PPM1A: variants seen among roughly 807,000 people sequenced by gnomAD.
PPM1A encodes the protein protein phosphatase, Mg2+/Mn2+ dependent 1A, also known as protein phosphatase 1A.
Under a neutral mutation model 35.0 loss-of-function variants are expected in PPM1A, and 7 were observed. The ratio of observed to expected loss-of-function variants is 0.20; its 90% CI spans 0.11 to 0.38. The LOEUF is 0.38. Ranked by LOEUF, PPM1A falls within the 10% of genes least tolerant of loss-of-function variation. PPM1A has a pLI of 1.00. For synonymous variants in PPM1A, 153 were observed against 167.3 expected (o/e 0.91, Z 0.66); for missense variants, 239 against 467.8 (o/e 0.51, Z 4.51).
rs1282662205 is a variant in PPM1A, at chr14:60,296,543, A to G, written c.*4061A>G. On this transcript the variant is annotated 3_prime_UTR_variant, in exon 6 of 6. Coordinates refer to ENST00000395076, the MANE Select transcript of PPM1A (RefSeq NM_021003.5). The surrounding 1 kb of genome is among the most constrained non-coding windows in gnomAD (Gnocchi z 4.4). The stretch of plus-strand genomic sequence containing the variant: ...CTGGTGAGATTACCATTTTTTGAGT[A>G]TCTAGTCTTCTAGTTTTTCTTTTAG... The G allele has an allele frequency of 5.8e-5, 18 of 310,720 alleles. No homozygotes were observed. In the Admixed American group the frequency reaches 7.7e-4, roughly 13 times the overall value. 19.2% of individuals were successfully genotyped at this position (310,720 alleles called of 1,614,324 possible).
chr14:60,256,655 A>T (rs2139351452), intron 1 of PPM1A: 1 of 152,318 alleles, frequency 6.6e-6, no homozygotes, highest in South Asian at 2.1e-4. Context: ...AGGGACTATT[A>T]CAATAGATTT....
upstream of PPM1A, among the ~76,000 whole-genome samples, chr14:60,248,938 C>G (rs994741920): frequency 6.6e-6 from 1 of 152,204 alleles, no homozygotes. Flanking sequence ...TATCCGGGAT[C>G]CGGACGCTCC....
In PPM1A at chr14:60,289,816, G is replaced by A. The variant is rs1402872993; in HGVS notation, c.963G>A (p.Lys321=). ...ACTTCTGATTCCCAGAAATCATAAA[G>A]AAGCAGGGGGAAGGCGTCCCCGACT... ...YLECRVEEII[K]KQGEGVPDLV... Residue 321 remains lysine, a synonymous_variant, in exon 4 of 6, where the codon AAG becomes AAA. Transcript: ENST00000395076. The surrounding 1 kb of genome is among the most constrained non-coding windows in gnomAD (Gnocchi z 4.1). 6.2e-7 allele frequency: 1 copy of A among 1,608,554 alleles called. No homozygotes were observed.
At chr14:60,285,816 C>G (rs375519822) in intron 3 of PPM1A, 75 bp downstream of exon 3, 2 of 1,566,072 alleles carry the variant, frequency 1.3e-6, no homozygotes, top group Non-Finnish European at 1.7e-6. Flanking sequence ...AACATTTTAG[C>G]TTTTAGATTT....
intron 1 of PPM1A, among the ~76,000 whole-genome samples, chr14:60,259,184 A>G (rs1022317756): frequency 2.0e-5 from 3 of 152,138 alleles, no homozygotes; most frequent in South Asian, 2.1e-4. Context: ...GAGTGACTCT[A>G]TTTTGAAAAA....
At position 60,249,223 on chromosome 14, in the gene PPM1A, AGGCGGCGGC is replaced by A. The variant is rs537901136; in HGVS notation, c.-466_-458del. Reference sequence around the variant, plus strand: ...GCGCGCCTGCGCGGGGCCGCGCTAGAGGCGGCGGCGGCGGCGGTGGCGGCGCTAGGGACG... The same window carrying A: ...GCGCGCCTGCGCGGGGCCGCGCTAGAGGCGGCGGTGGCGGCGCTAGGGACG... On this transcript the variant is annotated 5_prime_UTR_variant, in exon 1 of 6. Coordinates refer to ENST00000395076, the MANE Select transcript of PPM1A (RefSeq NM_021003.5). This position sits in a 1 kb window ranked among gnomAD's most constrained non-coding sequence, Gnocchi z 4.5. 5.4e-5 allele frequency: 53 copies of A among 986,622 alleles called. No homozygotes were observed. The East Asian group carries it at 5.3e-3, about 99-fold the overall frequency. The allele number at this position is 986,622 out of a possible 1,614,324, so 61.1% of individuals were successfully genotyped here. A position where few individuals can be genotyped will look rare whatever the true frequency, so the allele number is the denominator to read the frequency against.
At chr14:60,258,505 A>G (rs139240653) in intron 1 of PPM1A, among the ~76,000 whole-genome samples, 225 of 152,198 alleles carry the variant, frequency 1.5e-3, no homozygotes, top group African/African-American at 5.0e-3. Context: ...CAATAATGGG[A>G]GTGTGTATCT....
chr14:60,290,014 C>A, intron 4 of PPM1A, 100 bp downstream of exon 4: 1 of 769,040 alleles, frequency 1.3e-6, no homozygotes, highest in Non-Finnish European at 2.0e-6. Flanking sequence ...TGAACTGATG[C>A]AGTTATCTGT....
chr14:60,252,232 A>G (rs888534839), intron 1 of PPM1A, among the ~76,000 whole-genome samples: 1 of 152,190 alleles, frequency 6.6e-6, no homozygotes, highest in Non-Finnish European at 1.5e-5. Context: ...TCCACAAGGA[A>G]CTTGTTATCT....
At chr14:60,249,116 G>T (rs956588235), upstream of PPM1A, 1 of 607,722 alleles carries the variant, frequency 1.6e-6, no homozygotes, top group Non-Finnish European at 2.1e-6. This position sits in a 1 kb window ranked among gnomAD's most constrained non-coding sequence, Gnocchi z 4.5. Flanking sequence ...CTGTAGCTGC[G>T]CGCCGCGCCG....
rs971828029 is a variant in PPM1A, at chr14:60,282,535, C to T, written c.-20-149C>T. 5.3e-5 allele frequency: 54 copies of T among 1,024,124 alleles called. No homozygotes were observed. Among genetic ancestry groups the T allele is most frequent in the Middle Eastern group, 3.2e-4 (1 of 3,152 alleles). The allele number at this position is 1,024,124 out of a possible 1,614,324, so 63.4% of individuals were successfully genotyped here. On this transcript the variant is annotated intron_variant, in intron 1 of 5. Transcript: ENST00000395076. The surrounding 1 kb of genome is among the most constrained non-coding windows in gnomAD (Gnocchi z 5.1). Reference sequence around the variant, plus strand: ...TTTCCCCCAGTTCCTCCTTGTTAATCTCCAGATTCCAAGTCAGCAACACAA... The same window carrying T: ...TTTCCCCCAGTTCCTCCTTGTTAATTTCCAGATTCCAAGTCAGCAACACAA...
At chr14:60,264,284 A>C (rs1175717244) in intron 1 of PPM1A, among the ~76,000 whole-genome samples, 1 of 152,108 alleles carries the variant, frequency 6.6e-6, no homozygotes, top group African/African-American at 2.4e-5. Flanking sequence ...TGGATCTCTG[A>C]GAAGTTCGAT....
intron 1 of PPM1A, among the ~76,000 whole-genome samples, chr14:60,263,185 C>G (rs1883967034): frequency 1.3e-5 from 2 of 151,710 alleles, no homozygotes; most frequent in Non-Finnish European, 2.9e-5. Flanking sequence ...ACCACTGCTC[C>G]TAGCCTGGGT....
At chr14:60,274,246 T>G (rs533074003) in intron 1 of PPM1A, among the ~76,000 whole-genome samples, 1 of 152,162 alleles carries the variant, frequency 6.6e-6, no homozygotes, top group Non-Finnish European at 1.5e-5. Flanking sequence ...AGTTGAATGC[T>G]TCTGTGAGCA....
intron 1 of PPM1A, chr14:60,250,359 A>G (rs1882238503): frequency 2.2e-6 from 2 of 893,306 alleles, no homozygotes; most frequent in East Asian, 1.2e-4. Context: ...TGGTTGAGGT[A>G]TGGTTCTGTT....
chr14:60,269,050 T>C (rs1884754557), intron 1 of PPM1A, among the ~76,000 whole-genome samples: 1 of 152,044 alleles, frequency 6.6e-6, no homozygotes, highest in Admixed American at 6.6e-5. Context: ...CAATTAATGT[T>C]TTAAGTGTGT....
At position 60,283,980 on chromosome 14, in the gene PPM1A, G is replaced by A. The variant is rs553085387; in HGVS notation, c.834+443G>A. Among the ~76,000 whole-genome samples, 149 of 152,366 alleles carry A rather than the reference G, an allele frequency of 9.8e-4. 2 individuals are homozygous for A. The highest frequency in any genetic ancestry group is 1.6e-3 in the Non-Finnish European group (110 of 68,038). On this transcript the variant is annotated intron_variant, in intron 2 of 5. Coordinates refer to ENST00000395076, the MANE Select transcript of PPM1A (RefSeq NM_021003.5). The surrounding 1 kb of genome is among the most constrained non-coding windows in gnomAD (Gnocchi z 6.3). ...GGTCTGTAGCACTTGAAAGAGGAAT[G>A]TAGTGATCATTAGACGTGATGTAAT...
intron 1 of PPM1A, among the ~76,000 whole-genome samples, chr14:60,258,217 A>C (rs983385704): frequency 1.1e-4 from 17 of 152,152 alleles, no homozygotes; most frequent in Admixed American, 7.2e-4. Flanking sequence ...TACTTGTTTT[A>C]TGTAGTAAAA....
chr14:60,267,595 T>A (rs1284644304), intron 1 of PPM1A, among the ~76,000 whole-genome samples: 1 of 152,130 alleles, frequency 6.6e-6, no homozygotes, highest in Admixed American at 6.5e-5. Flanking sequence ...ATTTTTTTCC[T>A]GTAATCTATA....
Sources: allele counts gnomAD v4.1 joint callset (sites outside exome capture counted in the v4.1 genomes callset), GRCh38; gene constraint gnomAD v4.1.1; non-coding constraint Gnocchi (gnomAD v3.1); transcripts MANE v1.5; gene names NCBI Gene and HGNC (gene_info 2026-07-23, HGNC 2026-07-21).